Variants in CACNA1E observed in about 807,000 individuals in gnomAD.
CACNA1E encodes voltage-dependent R-type calcium channel subunit alpha-1E.
Under a neutral mutation model 259.2 loss-of-function variants are expected in CACNA1E, and 40 were observed. The ratio of observed to expected loss-of-function variants is 0.15; its 90% CI spans 0.12 to 0.20. CACNA1E has a LOEUF of 0.20. Among genes scored for constraint, CACNA1E ranks in the 10% least tolerant of loss-of-function variants. The pLI is 1.00. For synonymous variants in CACNA1E, 1,104 were observed against 1,138.5 expected (o/e 0.97, Z 0.61); for missense variants, 1,874 against 3,040.1 (o/e 0.62, Z 9.02).
chr1:181,731,112 G>T (rs1374290806), intron 18 of CACNA1E, 63 bp from the exon 19 acceptor site: 1 of 1,297,920 alleles, frequency 7.7e-7, no homozygotes, highest in African/African-American at 1.4e-5. Flanking sequence ...TCTGCTGGTG[G>T]CTGTGGGGCT....
chr1:181,657,460 G>C (rs925395045), intron 7 of CACNA1E, among the ~76,000 whole-genome samples: 10 of 152,164 alleles, frequency 6.6e-5, no homozygotes, highest in African/African-American at 2.4e-4. Context: ...GTTGCCTCTG[G>C]GGAGTGAAAT....
intron 2 of CACNA1E, among the ~76,000 whole-genome samples, chr1:181,471,040 C>T (rs1370119337): frequency 6.6e-6 from 1 of 152,182 alleles, no homozygotes; most frequent in East Asian, 1.9e-4. Context: ...CTGTCGAGGA[C>T]ACGGTCTCTG....
intron 6 of CACNA1E, among the ~76,000 whole-genome samples, chr1:181,644,370 G>A (rs762050405): frequency 3.9e-5 from 6 of 152,200 alleles, no homozygotes; most frequent in Non-Finnish European, 4.4e-5. Context: ...CCTATGGAAT[G>A]ATGAGTTGGA....
intron 7 of CACNA1E, among the ~76,000 whole-genome samples, chr1:181,662,783 C>G (rs780248735): frequency 1.1e-4 from 16 of 152,196 alleles, no homozygotes; most frequent in Non-Finnish European, 1.9e-4. Context: ...CAGATGTTTT[C>G]AGATACCACT....
chr1:181,691,549 C>T (rs1385255289), intron 7 of CACNA1E, among the ~76,000 whole-genome samples: 1 of 151,768 alleles, frequency 6.6e-6, no homozygotes, highest in Non-Finnish European at 1.5e-5. Flanking sequence ...ACCAAAATAC[C>T]AAAACATTGC....
intron 7 of CACNA1E, among the ~76,000 whole-genome samples, chr1:181,679,888 C>G (rs79731957): frequency 0.014 from 2,094 of 151,982 alleles, 47 homozygotes; most frequent in African/African-American, 0.048. Flanking sequence ...GGAGGCTGAG[C>G]GGGGAGAATC....
At chr1:181,501,011 C>G in intron 1 of CACNA1E, among the ~76,000 whole-genome samples, 1 of 152,172 alleles carries the variant, frequency 6.6e-6, no homozygotes, top group East Asian at 1.9e-4. Context: ...TTGATGGGCT[C>G]CAATTCATCA....
At chr1:181,440,491 G>A (rs902287288) in intron 2 of CACNA1E, among the ~76,000 whole-genome samples, 5 of 152,174 alleles carry the variant, frequency 3.3e-5, no homozygotes, top group African/African-American at 1.2e-4. Flanking sequence ...AAGAACAATA[G>A]CAAGCTGAAA....
intron 6 of CACNA1E, among the ~76,000 whole-genome samples, chr1:181,648,875 GCCAA>G (rs1658517154): frequency 6.6e-6 from 1 of 152,054 alleles, no homozygotes; most frequent in African/African-American, 2.4e-5. Context: ...AGTTTTTGTT[GCCAA>G]GGAATGTTGG....
At chr1:181,454,973 G>A (rs191206244) in intron 2 of CACNA1E, among the ~76,000 whole-genome samples, 1 of 152,266 alleles carries the variant, frequency 6.6e-6, no homozygotes, top group East Asian at 1.9e-4. Flanking sequence ...CTAATTTATG[G>A]ATTTGTACTT....
chr1:181,796,924 G>A (rs1359922079), intron 47 of CACNA1E, 66 bp downstream of exon 47: 2 of 1,228,362 alleles, frequency 1.6e-6, no homozygotes, highest in Non-Finnish European at 2.2e-6. Context: ...ATCATTAGAT[G>A]CAAGTCGTGA....
rs1662144147 is a variant in CACNA1E, at chr1:181,799,831, G to T, written c.*997G>T. 1 of 152,268 alleles carries T rather than the reference G, an allele frequency of 6.6e-6. No homozygotes were observed. The highest frequency in any genetic ancestry group is 6.5e-5 in the Admixed American group (1 of 15,288). The allele number at this position is 152,268 out of a possible 1,614,324, so 9.4% of individuals were successfully genotyped here. A position where few individuals can be genotyped will look rare whatever the true frequency, so the allele number is the denominator to read the frequency against. On this transcript the variant is annotated 3_prime_UTR_variant, in exon 48 of 48. Transcript: ENST00000367573. ...AAAAACAGTCTGTTTTCCAACCAGT[G>T]TGGAAGCAATTAAATATGCGTAACA...
At chr1:181,512,961 A>T (rs2479678) in intron 3 of CACNA1E, among the ~76,000 whole-genome samples, 2,173 of 152,362 alleles carry the variant, frequency 0.014, 51 homozygotes, top group African/African-American at 0.047. Context: ...AGAGGCCTGT[A>T]TGAGAATCTG....
intron 6 of CACNA1E, among the ~76,000 whole-genome samples, chr1:181,643,787 G>A (rs2102017908): frequency 6.6e-6 from 1 of 152,342 alleles, no homozygotes. Flanking sequence ...GACAATCACT[G>A]ACATTCTTGG....
intron 1 of CACNA1E, among the ~76,000 whole-genome samples, chr1:181,333,292 A>T (rs1335865418): frequency 1.3e-5 from 2 of 152,030 alleles, no homozygotes; most frequent in Non-Finnish European, 2.9e-5. Flanking sequence ...TCTCCTCCTG[A>T]CTTGCCCTGC....
At chr1:181,476,069 G>A (rs568651716) in intron 2 of CACNA1E, among the ~76,000 whole-genome samples, 1 of 152,126 alleles carries the variant, frequency 6.6e-6, no homozygotes, top group African/African-American at 2.4e-5. Flanking sequence ...GGGATGCCAA[G>A]AACGATGACC....
At chr1:181,723,582 C>A (rs1558308008) in intron 16 of CACNA1E, among the ~76,000 whole-genome samples, 1 of 152,142 alleles carries the variant, frequency 6.6e-6, no homozygotes, top group African/African-American at 2.4e-5. Flanking sequence ...TCAGATCCCA[C>A]AGGTCGATGG....
At chr1:181,396,801 C>T (rs1656712843) in intron 1 of CACNA1E, among the ~76,000 whole-genome samples, 1 of 152,214 alleles carries the variant, frequency 6.6e-6, no homozygotes, top group South Asian at 2.1e-4. Context: ...CTTATAGAGA[C>T]AAGAGGTATC....
chr1:181,411,668 G>T (rs530409643), intron 1 of CACNA1E, among the ~76,000 whole-genome samples: 11 of 152,260 alleles, frequency 7.2e-5, no homozygotes, highest in Middle Eastern at 3.4e-3. Flanking sequence ...GGAGTGCAAT[G>T]GTGCGGTTTC....
Sources: gnomAD v4.1 joint callset for allele counts (sites outside exome capture counted in the v4.1 genomes callset) on GRCh38, gnomAD v4.1.1 for gene constraint, MANE v1.5 for transcripts, NCBI Gene and HGNC (gene_info 2026-07-23, HGNC 2026-07-21) for gene names.